The following WWOX variants were observed in gnomAD, a reference collection of about 807,000 sequenced individuals.
WWOX encodes WW domain containing oxidoreductase, also known as WW domain-containing oxidoreductase.
Under a neutral mutation model 46.2 loss-of-function variants are expected in WWOX, and 69 were observed. That is an observed-to-expected ratio of 1.49 (90% CI 1.23 to 1.82). The LOEUF (loss-of-function observed/expected upper bound fraction) is 1.82, where lower values mean the gene tolerates loss of function less well. WWOX is among the 40% of genes most tolerant of loss of function. The probability of loss-of-function intolerance (pLI) is 0.00; values close to 1 mark genes in which losing one functional copy is unlikely to be tolerated. For synonymous variants in WWOX, 359 were observed against 202.6 expected, an observed-to-expected ratio of 1.77 and a Z score of -6.56; for missense variants, 919 against 542.6, an observed-to-expected ratio of 1.69 and a Z score of -6.89.
chr16:78,545,146 G>A lies in WWOX; in HGVS notation c.1056+112394G>A, dbSNP rs1430970104. ...CATTCTGATTCCCTCAGCACTTTAGGACTGACTGATTAGCAGTAACTGCCC... is the reference window on the plus strand; with the variant it reads ...CATTCTGATTCCCTCAGCACTTTAGAACTGACTGATTAGCAGTAACTGCCC... On this transcript the variant is annotated intron_variant, in intron 8 of 8. Transcript: ENST00000566780. Among the ~76,000 whole-genome samples the A allele has an allele frequency of 7.2e-5, 11 of 152,092 alleles. No individual in the cohort carries two copies. The South Asian group carries it at 2.3e-3, about 32-fold the overall frequency.
At chr16:78,660,299 A>T (rs897304220) in intron 8 of WWOX, among the ~76,000 whole-genome samples, 5 of 152,172 alleles carry the variant, frequency 3.3e-5, no homozygotes, top group Non-Finnish European at 7.3e-5. Flanking sequence ...ACTTCCGTAC[A>T]CTAAAGGTCC....
chr16:78,927,637 C>G (rs1473464459), intron 8 of WWOX, among the ~76,000 whole-genome samples: 1 of 152,116 alleles, frequency 6.6e-6, no homozygotes, highest in Non-Finnish European at 1.5e-5. Flanking sequence ...TCCTTTAAAT[C>G]TAAATTGGAG....
intron 8 of WWOX, among the ~76,000 whole-genome samples, chr16:78,447,343 A>G (rs192465105): frequency 9.2e-5 from 14 of 152,362 alleles, no homozygotes; most frequent in Admixed American, 7.2e-4. Context: ...AAATCTGTGT[A>G]AAGCTGCTTA....
chr16:78,769,501 A>C (rs1045862074), intron 8 of WWOX, among the ~76,000 whole-genome samples: 14 of 151,664 alleles, frequency 9.2e-5, no homozygotes, highest in Admixed American at 9.2e-4. Context: ...GGTAATTAAC[A>C]AATGTAATCC....
intron 8 of WWOX, among the ~76,000 whole-genome samples, chr16:78,983,784 A>G (rs978995396): frequency 6.6e-6 from 1 of 151,864 alleles, no homozygotes; most frequent in Admixed American, 6.6e-5. Context: ...TGACTTTGAG[A>G]CATATCTCCT....
intron 5 of WWOX, among the ~76,000 whole-genome samples, chr16:78,173,828 A>G (rs932409961): frequency 6.6e-6 from 1 of 152,186 alleles, no homozygotes; most frequent in Non-Finnish European, 1.5e-5. Flanking sequence ...ATTTATTCTT[A>G]CAGTTCTAGA....
intron 8 of WWOX, among the ~76,000 whole-genome samples, chr16:78,677,424 G>A (rs542685090): frequency 2.1e-4 from 32 of 152,246 alleles, no homozygotes; most frequent in South Asian, 1.0e-3. Flanking sequence ...GCTTGCCAAC[G>A]TTTTCAAGTT....
chr16:78,199,324 CAAACAAACA>C (rs2036157808), intron 5 of WWOX, among the ~76,000 whole-genome samples: 1 of 151,694 alleles, frequency 6.6e-6, no homozygotes, highest in African/African-American at 2.4e-5. Context: ...AACAAACAAA[CAAACAAACA>C]AACAAACAAA....
At chr16:79,091,660 A>T (rs2048962464) in intron 8 of WWOX, among the ~76,000 whole-genome samples, 1 of 152,128 alleles carries the variant, frequency 6.6e-6, no homozygotes, top group Non-Finnish European at 1.5e-5. Context: ...CTACTGACTC[A>T]AGGATATTCT....
At chr16:79,075,008 C>G (rs2048628013) in intron 8 of WWOX, among the ~76,000 whole-genome samples, 1 of 152,184 alleles carries the variant, frequency 6.6e-6, no homozygotes, top group African/African-American at 2.4e-5. Context: ...ATTCCCTACT[C>G]CTCAGTGACC....
At chr16:78,888,655 A>C (rs1356575021) in intron 8 of WWOX, among the ~76,000 whole-genome samples, 1 of 152,126 alleles carries the variant, frequency 6.6e-6, no homozygotes, top group Non-Finnish European at 1.5e-5. Context: ...TTATGTTGCC[A>C]CTAGGAGTCT....
intron 8 of WWOX, among the ~76,000 whole-genome samples, chr16:78,681,792 C>T (rs1392099299): frequency 6.6e-6 from 1 of 152,190 alleles, no homozygotes; most frequent in Non-Finnish European, 1.5e-5. Context: ...ATCTATTTGG[C>T]CTTGGAAAGT....
chr16:79,166,405 C>A (rs1271298622), intron 8 of WWOX, among the ~76,000 whole-genome samples: 1 of 152,102 alleles, frequency 6.6e-6, no homozygotes, highest in Non-Finnish European at 1.5e-5. Flanking sequence ...CTTTTGCCTC[C>A]TCTTTAGTTC....
At chr16:78,717,332 C>G (rs1012520702) in intron 8 of WWOX, among the ~76,000 whole-genome samples, 1 of 152,158 alleles carries the variant, frequency 6.6e-6, no homozygotes, top group Admixed American at 6.5e-5. Context: ...AAGTGCAGAA[C>G]TTGCAATAAT....
At chr16:78,805,387 A>G (rs1053220487) in intron 8 of WWOX, among the ~76,000 whole-genome samples, 1 of 151,284 alleles carries the variant, frequency 6.6e-6, no homozygotes, top group African/African-American at 2.4e-5. Context: ...CAGCCTCCGG[A>G]GTAGCTGGGA....
At chr16:78,882,130 A>T (rs2044355459) in intron 8 of WWOX, among the ~76,000 whole-genome samples, 1 of 152,222 alleles carries the variant, frequency 6.6e-6, no homozygotes, top group South Asian at 2.1e-4. Context: ...CATTTACAAA[A>T]CAAAAACAAA....
At chr16:79,211,274 C>T (rs1297226446) in intron 8 of WWOX, among the ~76,000 whole-genome samples, 1 of 152,160 alleles carries the variant, frequency 6.6e-6, no homozygotes, top group Non-Finnish European at 1.5e-5. Context: ...TTTGTTCTTG[C>T]ACGTTCAGAA....
intron 8 of WWOX, among the ~76,000 whole-genome samples, chr16:79,113,253 G>A (rs771328871): frequency 2.0e-5 from 3 of 152,208 alleles, no homozygotes; most frequent in Non-Finnish European, 4.4e-5. Context: ...CCATCCCAGG[G>A]TGCGTTAGGG....
intron 6 of WWOX, among the ~76,000 whole-genome samples, chr16:78,409,557 C>G (rs908687458): frequency 6.6e-6 from 1 of 152,190 alleles, no homozygotes; most frequent in East Asian, 1.9e-4. Flanking sequence ...GACCTAGCGA[C>G]TTAAAACAGC....
Sources: allele counts gnomAD v4.1 joint callset (sites outside exome capture counted in the v4.1 genomes callset), GRCh38; gene constraint gnomAD v4.1.1; transcripts MANE v1.5; gene names NCBI Gene and HGNC (gene_info 2026-07-23, HGNC 2026-07-21).